Variants in EDA observed in about 807,000 individuals in gnomAD.
EDA encodes ectodysplasin-A.
Under a neutral mutation model 23.6 loss-of-function variants are expected in EDA, and 2 were observed. The ratio of observed to expected loss-of-function variants is 0.08; its 90% confidence interval spans 0.03 to 0.27. The LOEUF (loss-of-function observed/expected upper bound fraction) is 0.27, where lower values mean the gene tolerates loss of function less well. Among genes scored for constraint, EDA ranks in the 10% least tolerant of loss-of-function variants. The pLI, the probability that EDA is intolerant of heterozygous loss-of-function variation, is 1.00. For synonymous variants in EDA, 131 were observed against 132.0 expected (o/e 0.99, Z 0.05); for missense variants, 229 against 324.2 (o/e 0.71, Z 2.26).
At chrX:70,023,478 CTTTTTTTTTTTTTT>C (rs754981946) in intron 3 of EDA, among the ~76,000 whole-genome samples, 6 of 33,500 alleles carry the variant, frequency 1.8e-4, no homozygotes, top group Non-Finnish European at 2.4e-4. Flanking sequence ...TCTTTTTATT[CTTTTTTTTTTTTTT>C]TTTTTTTTTT....
intron 1 of EDA, among the ~76,000 whole-genome samples, chrX:69,743,523 G>T (rs944936322): frequency 1.8e-5 from 2 of 111,696 alleles, no homozygotes; most frequent in Admixed American, 1.9e-4. Context: ...GATTCCCTGG[G>T]CTAAGATCAT....
intron 1 of EDA, among the ~76,000 whole-genome samples, chrX:69,639,163 T>G (rs946835806): frequency 8.9e-6 from 1 of 111,839 alleles, no homozygotes; most frequent in Non-Finnish European, 1.9e-5. Flanking sequence ...TATCCATTTA[T>G]CTGTGGATGG....
intron 1 of EDA, among the ~76,000 whole-genome samples, chrX:69,803,285 G>A (rs776041885): frequency 3.6e-5 from 4 of 110,154 alleles, no homozygotes; most frequent in South Asian, 3.9e-4. Flanking sequence ...GATACCTAAC[G>A]TCACTCAGTT....
At chrX:69,978,980 C>G (rs1162372998) in intron 2 of EDA, among the ~76,000 whole-genome samples, 1 of 111,466 alleles carries the variant, frequency 9.0e-6, no homozygotes, top group Non-Finnish European at 1.9e-5. Flanking sequence ...TAATGTTGTG[C>G]AACCATTGCC....
At position 69,663,398 on chromosome X, in the gene EDA, G is replaced by A. The variant is rs1205422349; in HGVS notation, c.396+46694G>A. Among the ~76,000 whole-genome samples the A allele has an allele frequency of 2.0e-4, 22 of 112,525 alleles. 1 individual carries two copies. The Admixed American group carries it at 2.1e-3, about 11-fold the overall frequency. ...AACTCGGCCTGTGACTTCAGAGGGT[G>A]CAAGCCCCAATTTTTGGCAGCTTCC... On this transcript the variant is annotated intron_variant, in intron 1 of 7. Transcript: ENST00000374552.
At chrX:69,790,197 C>T (rs2015360111) in intron 1 of EDA, among the ~76,000 whole-genome samples, 1 of 110,435 alleles carries the variant, frequency 9.1e-6, no homozygotes, top group Non-Finnish European at 1.9e-5. Flanking sequence ...CCTTAAAGTC[C>T]TCTTTTTTCT....
intron 1 of EDA, among the ~76,000 whole-genome samples, chrX:69,889,939 C>A (rs1169248079): frequency 9.0e-6 from 1 of 111,667 alleles, no homozygotes; most frequent in Non-Finnish European, 1.9e-5. Context: ...TCTCTATGGT[C>A]TACTTTGAGC....
At chrX:69,790,190 T>C (rs1475535863) in intron 1 of EDA, among the ~76,000 whole-genome samples, 2 of 110,970 alleles carry the variant, frequency 1.8e-5, no homozygotes, top group African/African-American at 6.6e-5. Context: ...GAAGACCCCT[T>C]AAAGTCCTCT....
At chrX:70,005,694 A>T (rs1319213277) in intron 2 of EDA, among the ~76,000 whole-genome samples, 3 of 109,819 alleles carry the variant, frequency 2.7e-5, no homozygotes, top group African/African-American at 1.0e-4. Context: ...GGCAAGAGGT[A>T]TGTGAAAGGT....
chrX:69,911,083 A>G (rs1279608698), intron 1 of EDA, among the ~76,000 whole-genome samples: 1 of 112,215 alleles, frequency 8.9e-6, no homozygotes, highest in Non-Finnish European at 1.9e-5. Context: ...ATTCTGTTAC[A>G]TTCCTCAAAA....
At chrX:69,667,718 G>T (rs1184847022) in intron 1 of EDA, among the ~76,000 whole-genome samples, 1 of 111,701 alleles carries the variant, frequency 9.0e-6, no homozygotes, top group African/African-American at 3.3e-5. Flanking sequence ...ATTTTGTGTT[G>T]CTATAACTGA....
chrX:69,962,377 C>G (rs1485137791), intron 2 of EDA, among the ~76,000 whole-genome samples: 2 of 112,162 alleles, frequency 1.8e-5, no homozygotes, highest in Non-Finnish European at 3.8e-5. Context: ...CCCTGCTTAC[C>G]TCATAGAGTT....
intron 1 of EDA, among the ~76,000 whole-genome samples, chrX:69,892,098 A>G (rs2017942642): frequency 8.9e-6 from 1 of 111,833 alleles, no homozygotes; most frequent in Non-Finnish European, 1.9e-5. Flanking sequence ...ATTGAGGGGT[A>G]CATATCACAT....
chrX:69,905,712 G>A (rs1334524389), intron 1 of EDA, among the ~76,000 whole-genome samples: 2 of 111,446 alleles, frequency 1.8e-5, no homozygotes, highest in Non-Finnish European at 3.8e-5. Context: ...GTTAGAACCC[G>A]TCTTTGCCTG....
chrX:70,026,856 C>T (rs2020112174), intron 3 of EDA, among the ~76,000 whole-genome samples: 1 of 110,458 alleles, frequency 9.1e-6, no homozygotes, highest in Non-Finnish European at 1.9e-5. Context: ...TCTCCCTCCT[C>T]CTCTTTCCGT....
chrX:69,700,004 G>T (rs1364275291), intron 1 of EDA, among the ~76,000 whole-genome samples: 2 of 110,976 alleles, frequency 1.8e-5, no homozygotes, highest in Non-Finnish European at 3.8e-5. Context: ...GGAGGGATAT[G>T]CGGTCGGTTG....
Position 69,928,737 on chromosome X carries a change from A to G in EDA, c.397-28290A>G, listed in dbSNP as rs535580405. ...AATACACAGCACATAATTGTAAACC[A>G]GGGATATTTCCTTGGGAAACGGATT... On this transcript the variant is annotated intron_variant, in intron 1 of 7. Transcript: ENST00000374552. Among the ~76,000 whole-genome samples, 55 of 112,322 alleles carry G rather than the reference A, an allele frequency of 4.9e-4. No individual in the cohort carries two copies. The South Asian group carries it at 0.02, about 41-fold the overall frequency.
In EDA at chrX:69,642,482, A is replaced by G. The variant is rs779963877; in HGVS notation, c.396+25778A>G. Among the ~76,000 whole-genome samples the G allele has an allele frequency of 5.4e-5, 6 of 111,131 alleles. No individual in the cohort carries two copies. The East Asian group carries it at 1.4e-3, about 26-fold the overall frequency. The stretch of plus-strand genomic sequence containing the variant: ...CAACATACACACATAGCGTATTTAT[A>G]TGTTTTATTCTTATAAAGAACCAAG... On this transcript the variant is annotated intron_variant, in intron 1 of 7. Coordinates refer to ENST00000374552, the MANE Select transcript of EDA (RefSeq NM_001399.5).
chrX:69,942,443 A>C (rs1214644414), intron 1 of EDA, among the ~76,000 whole-genome samples: 1 of 111,123 alleles, frequency 9.0e-6, no homozygotes, highest in Admixed American at 9.5e-5. Flanking sequence ...TGTTTGAAGG[A>C]TATTTTCACT....
Sources: allele counts gnomAD v4.1 joint callset (sites outside exome capture counted in the v4.1 genomes callset), GRCh38; gene constraint gnomAD v4.1.1; transcripts MANE v1.5; gene names NCBI Gene and HGNC (gene_info 2026-07-23, HGNC 2026-07-21).